Variants in FHL2 observed in about 807,000 individuals in gnomAD.
The protein encoded by FHL2 is four and a half LIM domains protein 2.
FHL2 carries 20 observed loss-of-function variants against 32.7 expected under a neutral mutation model. The observed-to-expected ratio is 0.61, with a 90% CI of 0.43 to 0.89. FHL2 has a LOEUF of 0.89. FHL2 is among the 40% of genes least tolerant of loss of function. The pLI, the probability that FHL2 is intolerant of heterozygous loss-of-function variation, is 0.00. For synonymous variants in FHL2, 123 were observed against 128.1 expected, an observed-to-expected ratio of 0.96 and a Z score of 0.27; for missense variants, 311 against 358.6, an observed-to-expected ratio of 0.87 and a Z score of 1.07.
chr2:105,377,102 C>T (rs1681526044), intron 3 of FHL2, among the ~76,000 whole-genome samples: 1 of 152,076 alleles, frequency 6.6e-6, no homozygotes, highest in African/African-American at 2.4e-5. Context: ...CAGACCTTGG[C>T]GATGATCTTG....
At chr2:105,411,463 T>C (rs1683785776) in intron 1 of FHL2, among the ~76,000 whole-genome samples, 1 of 151,734 alleles carries the variant, frequency 6.6e-6, no homozygotes, top group South Asian at 2.1e-4. Context: ...TGGTTTTAGA[T>C]GGAATTCTTT....
intron 1 of FHL2, among the ~76,000 whole-genome samples, chr2:105,436,718 A>G (rs540663566): frequency 1.4e-4 from 21 of 152,318 alleles, no homozygotes; most frequent in South Asian, 6.2e-4. Flanking sequence ...TAGAATGAAT[A>G]AATAATTAAG....
In FHL2 at chr2:105,397,049, C is replaced by T. The variant is rs1683189398; in HGVS notation, c.-75-352G>A. On this transcript the variant is annotated intron_variant, in intron 1 of 6. Transcript: ENST00000530340. Reference sequence around the variant, plus strand: ...TTTTTTTTGGCAATATTCTATTGGGCGTTTTTGACTGCAATTTAAATATCT... The same window carrying T: ...TTTTTTTTGGCAATATTCTATTGGGTGTTTTTGACTGCAATTTAAATATCT... 4.2e-5 allele frequency: 6 copies of T among 142,944 alleles called. No individual in the cohort carries two copies. In the South Asian group the frequency reaches 1.2e-3, roughly 30 times the overall value. The allele number at this position is 142,944 out of a possible 1,614,324, so 8.9% of individuals were successfully genotyped here.
chr2:105,373,964 A>T (rs1282504073), intron 3 of FHL2: 3 of 567,646 alleles, frequency 5.3e-6, no homozygotes, highest in Non-Finnish European at 9.5e-6. Flanking sequence ...ATGTGCATGT[A>T]TGCACATGTC....
At chr2:105,395,462 C>G (rs1683056658) in intron 2 of FHL2, among the ~76,000 whole-genome samples, 1 of 152,178 alleles carries the variant, frequency 6.6e-6, no homozygotes, top group South Asian at 2.1e-4. Flanking sequence ...ATCTGAGGTG[C>G]CTATGACCCC....
At position 105,433,333 on chromosome 2, in the gene FHL2, A is replaced by G. The variant is rs531915195; in HGVS notation, c.-25+5066T>C. Among the ~76,000 whole-genome samples, 3 of 152,106 alleles carry G rather than the reference A, an allele frequency of 2.0e-5. No homozygotes were observed. In the East Asian group the frequency reaches 5.8e-4, roughly 30 times the overall value. On this transcript the variant is annotated intron_variant, in intron 1 of 5. Transcript: ENST00000393352. ...GTAACTGGGATTACAGGCACGCTCC[A>G]CCATGCCCAGCTAATTTTGGTATTT...
chr2:105,424,859 C>T (rs1372139894), intron 1 of FHL2, among the ~76,000 whole-genome samples: 1 of 152,106 alleles, frequency 6.6e-6, no homozygotes, highest in African/African-American at 2.4e-5. Context: ...CATCACACAC[C>T]AGGACCTGTC....
At chr2:105,422,372 G>A (rs1050286687) in intron 1 of FHL2, among the ~76,000 whole-genome samples, 4 of 152,184 alleles carry the variant, frequency 2.6e-5, no homozygotes, top group Admixed American at 2.0e-4. Context: ...GGGGCCCTAT[G>A]TGGATGGATC....
intron 1 of FHL2, among the ~76,000 whole-genome samples, chr2:105,406,606 A>G (rs775098036): frequency 3.9e-5 from 6 of 152,062 alleles, no homozygotes; most frequent in Non-Finnish European, 7.4e-5. Flanking sequence ...GTCTGTCTGT[A>G]TTGCTGTATT....
chr2:105,429,450 G>A (rs779403062), intron 1 of FHL2, among the ~76,000 whole-genome samples: 1 of 152,188 alleles, frequency 6.6e-6, no homozygotes, highest in Non-Finnish European at 1.5e-5. Flanking sequence ...GATGGAGACA[G>A]GAGAGCCAGG....
intron 4 of FHL2, among the ~76,000 whole-genome samples, chr2:105,371,322 G>C (rs1184347453): frequency 6.6e-6 from 1 of 152,188 alleles, no homozygotes; most frequent in Non-Finnish European, 1.5e-5. Flanking sequence ...CTAATCGGTA[G>C]TGGGCCTTAG....
At chr2:105,432,184 G>C (rs1308446433) in intron 1 of FHL2, among the ~76,000 whole-genome samples, 1 of 152,190 alleles carries the variant, frequency 6.6e-6, no homozygotes, top group Non-Finnish European at 1.5e-5. Flanking sequence ...CCCCTCACTT[G>C]GATGATCGCC....
Position 105,407,378 on chromosome 2 carries a change from C to G in FHL2, c.-24-20838G>C, listed in dbSNP as rs1279556938. ...CTGCACTCCAGCCTGGGTGACAGAG[C>G]GAGACTCTGTCTCAAAAAAAAAAAA... On this transcript the variant is annotated intron_variant, in intron 1 of 5. Transcript: ENST00000393352. 1.1e-4 allele frequency among the ~76,000 whole-genome samples: 15 copies of G among 135,500 alleles called. 1 individual carries two copies. 88.9% of individuals were successfully genotyped at this position (135,500 alleles called of 152,430 possible). A position where few individuals can be genotyped will look rare whatever the true frequency, so the allele number is the denominator to read the frequency against.
chr2:105,399,643 C>G (rs370967828), upstream of FHL2: 11 of 1,493,460 alleles, frequency 7.4e-6, no homozygotes. Flanking sequence ...TCTTGGATTC[C>G]CCTCCAGGGC....
At chr2:105,396,126 G>T (rs922420078) in intron 2 of FHL2, among the ~76,000 whole-genome samples, 12 of 152,146 alleles carry the variant, frequency 7.9e-5, no homozygotes, top group African/African-American at 2.9e-4. Flanking sequence ...AATAGTCAGG[G>T]TTTTCTAGAA....
At chr2:105,377,711 T>C (rs1409911017) in intron 3 of FHL2, 3 of 213,362 alleles carry the variant, frequency 1.4e-5, no homozygotes, top group Non-Finnish European at 2.9e-5. Context: ...TCTGTCCCCC[T>C]GTGCAGGCGA....
Position 105,414,374 on chromosome 2 carries a change from C to T in FHL2, c.-25+24025G>A, listed in dbSNP as rs912077676. Among the ~76,000 whole-genome samples the T allele has an allele frequency of 2.0e-5, 3 of 152,138 alleles. No individual in the cohort carries two copies. The South Asian group carries it at 6.2e-4, about 31-fold the overall frequency. On this transcript the variant is annotated intron_variant, in intron 1 of 5. Coordinates refer to the FHL2 transcript ENST00000393352. ...CAACTTAACCTTGAGCCCCTCTGCCCTCCTGGGAGGTTGGCGTTGGGGCTG... is the reference window on the plus strand; with the variant it reads ...CAACTTAACCTTGAGCCCCTCTGCCTTCCTGGGAGGTTGGCGTTGGGGCTG...
At position 105,373,259 on chromosome 2, in the gene FHL2, G is replaced by A. The variant is rs6738207; in HGVS notation, c.331+300C>T. ...AGAGAAACTATCTATGGTGGTGGGA[G>A]AGTGGGGGCTGATGCAGGAGATGTA... On this transcript the variant is annotated intron_variant, in intron 4 of 6. Transcript: ENST00000530340. 0.46 allele frequency among the ~76,000 whole-genome samples: 70,567 copies of A among 152,064 alleles called. 17,320 individuals are homozygous for A. The highest frequency in any genetic ancestry group is 0.62 in the African/African-American group (25,911 of 41,470).
At chr2:105,428,568 G>A (rs373128287) in intron 1 of FHL2, among the ~76,000 whole-genome samples, 3 of 152,290 alleles carry the variant, frequency 2.0e-5, no homozygotes, top group East Asian at 3.9e-4. Context: ...CCTCTCCTGC[G>A]GACAGGCCCG....
Sources: gnomAD v4.1 joint callset for allele counts (sites outside exome capture counted in the v4.1 genomes callset) on GRCh38, gnomAD v4.1.1 for gene constraint, MANE v1.5 for transcripts, NCBI Gene and HGNC (gene_info 2026-07-23, HGNC 2026-07-21) for gene names.